The following SNTG1 variants were observed in gnomAD, a reference collection of about 807,000 sequenced individuals.
The protein encoded by SNTG1 is gamma-1-syntrophin.
A neutral mutation model predicts 74.7 loss-of-function variants in SNTG1; 39 were observed. The ratio of observed to expected loss-of-function variants is 0.52; its 90% confidence interval spans 0.40 to 0.68. The LOEUF (loss-of-function observed/expected upper bound fraction) is 0.68. Among genes scored for constraint, SNTG1 ranks in the 30% least tolerant of loss-of-function variants. The pLI, the probability that SNTG1 is intolerant of heterozygous loss-of-function variation, is 0.00. For missense variants in SNTG1, 685 were observed against 609.5 expected (o/e 1.12, Z -1.30); for synonymous variants, 254 against 217.1 (o/e 1.17, Z -1.49).
intron 2 of SNTG1, among the ~76,000 whole-genome samples, chr8:50,393,899 A>G (rs1197820424): frequency 6.6e-6 from 1 of 152,194 alleles, no homozygotes; most frequent in Non-Finnish European, 1.5e-5. Flanking sequence ...GTTGGGAATG[A>G]GCGAGAAGAG....
intron 4 of SNTG1, among the ~76,000 whole-genome samples, chr8:50,412,483 A>G (rs1211669162): frequency 6.6e-6 from 1 of 152,138 alleles, no homozygotes; most frequent in Non-Finnish European, 1.5e-5. Flanking sequence ...CTTATCGGGT[A>G]ATTGTGAAGA....
chr8:49,955,293 T>C (rs536464066), intron 1 of SNTG1, among the ~76,000 whole-genome samples: 68 of 152,344 alleles, frequency 4.5e-4, no homozygotes, highest in African/African-American at 1.6e-3. Flanking sequence ...AATGATCTCA[T>C]TAGATTGCAT....
At chr8:50,669,268 G>A (rs1462063618) in intron 15 of SNTG1, among the ~76,000 whole-genome samples, 10 of 150,962 alleles carry the variant, frequency 6.6e-5, no homozygotes, top group African/African-American at 2.4e-4. Context: ...TTTTTTCAAA[G>A]GATCAACAAA....
intron 11 of SNTG1, among the ~76,000 whole-genome samples, chr8:50,544,687 A>G (rs748042731): frequency 2.6e-5 from 4 of 152,052 alleles, no homozygotes; most frequent in Non-Finnish European, 5.9e-5. Flanking sequence ...CTCAATACAC[A>G]TGACAGCAAT....
At chr8:50,318,230 G>T (rs1180397797) in intron 2 of SNTG1, among the ~76,000 whole-genome samples, 1 of 152,068 alleles carries the variant, frequency 6.6e-6, no homozygotes, top group Non-Finnish European at 1.5e-5. Flanking sequence ...GTCTGTTCTT[G>T]CAGCTGTTCT....
chr8:50,210,897 T>C lies in SNTG1; in HGVS notation c.-28+38262T>C, dbSNP rs560137638. Among the ~76,000 whole-genome samples the C allele has an allele frequency of 1.8e-4, 28 of 152,334 alleles. 1 individual carries two copies. In the South Asian group the frequency reaches 5.2e-3, roughly 28 times the overall value. On this transcript the variant is annotated intron_variant, in intron 2 of 18. Coordinates refer to ENST00000642720, the MANE Select transcript of SNTG1 (RefSeq NM_018967.5). Reference sequence around the variant, plus strand: ...CCATATTAGAAGCTAGACCTAATTGTACATAGTCACTAATTAGCTTTTCTC... The same window carrying C: ...CCATATTAGAAGCTAGACCTAATTGCACATAGTCACTAATTAGCTTTTCTC...
chr8:50,423,841 A>G (rs1359393888), intron 4 of SNTG1, among the ~76,000 whole-genome samples: 1 of 152,194 alleles, frequency 6.6e-6, no homozygotes, highest in East Asian at 1.9e-4. Flanking sequence ...TAGTAGTTAG[A>G]GAAAGGTAAA....
intron 1 of SNTG1, among the ~76,000 whole-genome samples, chr8:50,147,889 C>T (rs61105351): frequency 2.0e-5 from 3 of 152,094 alleles, no homozygotes; most frequent in Non-Finnish European, 4.4e-5. Flanking sequence ...TGAAATGAAC[C>T]AGGATTTCCT....
intron 8 of SNTG1, among the ~76,000 whole-genome samples, chr8:50,462,319 TA>T (rs1229637606): frequency 6.7e-6 from 1 of 150,370 alleles, no homozygotes; most frequent in Non-Finnish European, 1.5e-5. Flanking sequence ...ATAACTTAAT[TA>T]AAAATATTTA....
At chr8:50,275,030 T>C (rs1454608038) in intron 2 of SNTG1, among the ~76,000 whole-genome samples, 1 of 152,146 alleles carries the variant, frequency 6.6e-6, no homozygotes, top group African/African-American at 2.4e-5. Flanking sequence ...AGTTTTCCTT[T>C]TTTTTATAAT....
At chr8:49,929,071 C>A (rs1807311043) in intron 1 of SNTG1, among the ~76,000 whole-genome samples, 1 of 151,868 alleles carries the variant, frequency 6.6e-6, no homozygotes, top group South Asian at 2.1e-4. Flanking sequence ...TATATGTGAA[C>A]AAATTATGGT....
At chr8:50,783,398 A>G (rs975578069) in intron 18 of SNTG1, among the ~76,000 whole-genome samples, 3 of 152,210 alleles carry the variant, frequency 2.0e-5, no homozygotes, top group Admixed American at 2.0e-4. Flanking sequence ...AGCCTGGGCA[A>G]TGGCAGGCGC....
intron 2 of SNTG1, among the ~76,000 whole-genome samples, chr8:50,188,458 A>G (rs906632946): frequency 6.6e-6 from 1 of 152,152 alleles, no homozygotes; most frequent in Admixed American, 6.6e-5. Context: ...CTCAGACAGT[A>G]CGTGCACATC....
intron 8 of SNTG1, among the ~76,000 whole-genome samples, chr8:50,470,965 A>G (rs976679927): frequency 2.0e-5 from 3 of 152,224 alleles, no homozygotes; most frequent in African/African-American, 4.8e-5. Context: ...TCATATTTAC[A>G]GAGTGCTGAT....
intron 4 of SNTG1, among the ~76,000 whole-genome samples, chr8:50,417,460 G>A (rs962012673): frequency 6.6e-6 from 1 of 152,066 alleles, no homozygotes; most frequent in South Asian, 2.1e-4. Flanking sequence ...ATGAAATGTC[G>A]CCCAGTTATA....
chr8:50,560,118 A>C (rs896407079), intron 12 of SNTG1, among the ~76,000 whole-genome samples: 1 of 152,176 alleles, frequency 6.6e-6, no homozygotes, highest in African/African-American at 2.4e-5. Flanking sequence ...TATTAAAAAA[A>C]CCCTCAACAT....
At chr8:50,381,184 G>A (rs1308872677) in intron 2 of SNTG1, 1 of 151,944 alleles carries the variant, frequency 6.6e-6, no homozygotes, top group African/African-American at 2.4e-5. Context: ...AAAGTTTACT[G>A]ATGAAATTTT....
chr8:50,673,449 G>A (rs991976384), intron 15 of SNTG1, among the ~76,000 whole-genome samples: 16 of 152,224 alleles, frequency 1.1e-4, no homozygotes, highest in African/African-American at 2.6e-4. Flanking sequence ...TTGTGAATGG[G>A]AGTTCATTCA....
chr8:50,759,899 G>A (rs2095592998), intron 18 of SNTG1, among the ~76,000 whole-genome samples: 1 of 151,990 alleles, frequency 6.6e-6, no homozygotes, highest in Admixed American at 6.6e-5. Context: ...GTGGTAGCTG[G>A]ACAGGGATAG....
Sources: allele counts gnomAD v4.1 joint callset (sites outside exome capture counted in the v4.1 genomes callset), GRCh38; gene constraint gnomAD v4.1.1; transcripts MANE v1.5; gene names NCBI Gene and HGNC (gene_info 2026-07-23, HGNC 2026-07-21).